The following PCNX2 variants were observed in gnomAD, a reference collection of about 807,000 sequenced individuals.
PCNX2 encodes pecanex-like protein 2.
PCNX2 carries 168 observed loss-of-function variants against 223.8 expected under a neutral mutation model. The observed-to-expected ratio is 0.75, with a 90% CI of 0.66 to 0.85. The LOEUF (loss-of-function observed/expected upper bound fraction) is 0.85, where lower values mean the gene tolerates loss of function less well. PCNX2 is among the 40% of genes least tolerant of loss of function. PCNX2 has a pLI of 0.00. For synonymous variants in PCNX2, 1,006 were observed against 1,052.6 expected (o/e 0.96, Z 0.86); for missense variants, 2,507 against 2,675.5 (o/e 0.94, Z 1.39).
chr1:233,040,511 C>T (rs758189868), intron 25 of PCNX2, among the ~76,000 whole-genome samples: 6 of 152,178 alleles, frequency 3.9e-5, no homozygotes, highest in Admixed American at 6.5e-5. Flanking sequence ...AATCCTTTCA[C>T]ACATGTCTCC....
chr1:233,270,365 A>T (rs1290344021), intron 1 of PCNX2, among the ~76,000 whole-genome samples: 1 of 152,238 alleles, frequency 6.6e-6, no homozygotes, highest in Non-Finnish European at 1.5e-5. Flanking sequence ...ACTTGTGATT[A>T]TATGTTGAAA....
rs1011058271 is a variant in PCNX2 at position 233,258,765 on chromosome 1, T to G, written c.1097A>C (p.Asp366Ala). The change falls in exon 5 of 34, where the codon GAC (aspartate) becomes GCC (alanine). Residue 366 changes from aspartate to alanine, a missense_variant. Physicochemically the swap from Asp to Ala is moderately radical, Grantham distance 126 (BLOSUM62 -2). Around this residue, in one of 3 missense-constraint regions of PCNX2, gnomAD observed 1,031 missense variants for 1,021.7 expected, o/e 1.01. Transcript: ENST00000258229. ...TATGGGCTCATGTAGACTCAGTGGG[T>G]CTCCGGGTTGAGAAGTATCGATGAG... is the stretch of plus-strand genomic sequence containing the variant. ...VTLIDTSQPG[D>A]PLSLHEPIKI... 2 of 1,613,688 alleles carry G rather than the reference T, an allele frequency of 1.2e-6. No homozygotes were observed. The highest frequency in any genetic ancestry group is 1.7e-5 in the Admixed American group (1 of 59,994).
chr1:233,158,663 T>TGGTACA (rs1407774154), intron 19 of PCNX2, among the ~76,000 whole-genome samples: 3 of 152,170 alleles, frequency 2.0e-5, no homozygotes, highest in Admixed American at 6.5e-5. Flanking sequence ...GTAAAGGTAT[T>TGGTACA]GGTACAGGTA....
At chr1:233,259,450 T>A (rs1050770916) in intron 4 of PCNX2, 106 bp from the exon 5 acceptor site, 2 of 1,385,776 alleles carry the variant, frequency 1.4e-6, no homozygotes, top group African/African-American at 2.9e-5. Flanking sequence ...CAGCAACTAA[T>A]GGAATTAGAT....
At chr1:233,320,225 T>G in the PCNX2 span, among the ~76,000 whole-genome samples, 1 of 152,354 alleles carries the variant, frequency 6.6e-6, no homozygotes, top group African/African-American at 2.4e-5. Flanking sequence ...AATGGAATTA[T>G]GCATAATTAT....
At chr1:233,030,627 G>C (rs1444630533) in intron 25 of PCNX2, among the ~76,000 whole-genome samples, 1 of 152,086 alleles carries the variant, frequency 6.6e-6, no homozygotes, top group Middle Eastern at 3.2e-3. Context: ...TCTTTGGCTG[G>C]GAAGGTCCAG....
chr1:233,149,607 A>G (rs1162073734), intron 19 of PCNX2, among the ~76,000 whole-genome samples: 1 of 152,128 alleles, frequency 6.6e-6, no homozygotes, highest in Non-Finnish European at 1.5e-5. Flanking sequence ...TCTCACTCTC[A>G]TCTGTCTTCC....
intron 21 of PCNX2, among the ~76,000 whole-genome samples, chr1:233,115,232 G>A (rs763664057): frequency 3.3e-5 from 5 of 151,736 alleles, no homozygotes; most frequent in Non-Finnish European, 7.4e-5. Flanking sequence ...GTTACAGCCC[G>A]GAGACACAGG....
chr1:233,048,936 C>T (rs1671906686), intron 25 of PCNX2, among the ~76,000 whole-genome samples: 2 of 152,152 alleles, frequency 1.3e-5, no homozygotes, highest in African/African-American at 4.8e-5. Context: ...TGGAAACACA[C>T]ACTCTTCCAA....
At chr1:233,309,532 C>A in the PCNX2 span, among the ~76,000 whole-genome samples, 1 of 139,976 alleles carries the variant, frequency 7.1e-6, no homozygotes, top group African/African-American at 2.7e-5. Context: ...CAGAGTGAGA[C>A]TCCCTCAAAA....
At chr1:233,321,622 T>C in the PCNX2 span, among the ~76,000 whole-genome samples, 13 of 152,346 alleles carry the variant, frequency 8.5e-5, no homozygotes, top group East Asian at 1.7e-3. Context: ...TAAAATGTCA[T>C]CATACTTGGG....
intron 26 of PCNX2, among the ~76,000 whole-genome samples, chr1:233,017,363 G>C (rs1391825171): frequency 7.2e-6 from 1 of 138,738 alleles, no homozygotes; most frequent in Admixed American, 7.6e-5. Flanking sequence ...TGTCACCCAG[G>C]CTGGAGTGCA....
the PCNX2 span, among the ~76,000 whole-genome samples, chr1:233,303,425 A>C: frequency 6.6e-6 from 1 of 152,092 alleles, no homozygotes; most frequent in Non-Finnish European, 1.5e-5. Flanking sequence ...TGAGGAAGGA[A>C]GATCCTTTGA....
chr1:233,178,023 T>G lies in PCNX2; in HGVS notation c.3177-125A>C, dbSNP rs894482654. The G allele has an allele frequency of 7.4e-5, 51 of 693,386 alleles. No individual in the cohort carries two copies. The East Asian group carries it at 1.4e-3, about 19-fold the overall frequency. 43.0% of individuals were successfully genotyped at this position (693,386 alleles called of 1,614,324 possible). A position where few individuals can be genotyped will look rare whatever the true frequency, so the allele number is the denominator to read the frequency against. ...ACAAGTGCTCTCTTCATTTAAAAAT[T>G]TATAATAAAAAGAGGTGCATGTTCA... On this transcript the variant is annotated intron_variant, in intron 16 of 33. Transcript: ENST00000258229.
chr1:233,262,260 G>T, intron 2 of PCNX2, 95 bp from the exon 3 acceptor site: 1 of 1,469,670 alleles, frequency 6.8e-7, no homozygotes, highest in Non-Finnish European at 9.2e-7. Flanking sequence ...TTTTCCTAGA[G>T]TCCATTTTGT....
At chr1:233,132,080 G>A (rs751031005) in intron 21 of PCNX2, among the ~76,000 whole-genome samples, 7 of 151,994 alleles carry the variant, frequency 4.6e-5, no homozygotes, top group Non-Finnish European at 7.4e-5. Flanking sequence ...GGGATTACAG[G>A]CACCCGCCAC....
chr1:233,027,977 T>C (rs1671140612), intron 25 of PCNX2, among the ~76,000 whole-genome samples: 1 of 152,266 alleles, frequency 6.6e-6, no homozygotes, highest in African/African-American at 2.4e-5. Context: ...GTGATTAACT[T>C]AGTTATTCCT....
chr1:233,264,993 T>G (rs761247424), intron 1 of PCNX2, among the ~76,000 whole-genome samples: 26 of 152,142 alleles, frequency 1.7e-4, no homozygotes, highest in Non-Finnish European at 3.5e-4. Context: ...ATCTCAGCAC[T>G]TTGGGAGGCC....
intron 28 of PCNX2, among the ~76,000 whole-genome samples, chr1:233,009,242 G>T (rs1053459550): frequency 2.6e-5 from 4 of 152,154 alleles, no homozygotes; most frequent in Non-Finnish European, 4.4e-5. Flanking sequence ...AGTGGGCACC[G>T]CTGTAAGTGT....
Sources: gnomAD v4.1 joint callset for allele counts (sites outside exome capture counted in the v4.1 genomes callset) on GRCh38, gnomAD v4.1.1 for gene constraint, gnomAD v4.1.1 regional missense constraint, MANE v1.5 for transcripts, NCBI Gene and HGNC (gene_info 2026-07-23, HGNC 2026-07-21) for gene names.